The following DNAH5 variants were observed in gnomAD, a reference collection of about 807,000 sequenced individuals.
The protein encoded by DNAH5 is dynein axonemal heavy chain 5.
A neutral mutation model predicts 518.2 loss-of-function variants in DNAH5; 372 were observed. That is an observed-to-expected ratio of 0.72 (90% CI 0.66 to 0.78). The LOEUF (loss-of-function observed/expected upper bound fraction) is 0.78. Ranked by LOEUF, DNAH5 falls within the 30% of genes least tolerant of loss-of-function variation. DNAH5 has a pLI of 0.00. For synonymous variants in DNAH5, 2,039 were observed against 2,025.9 expected (o/e 1.01, Z -0.17); for missense variants, 5,523 against 5,687.0 (o/e 0.97, Z 0.93).
chr5:13,857,022 C>A (rs1054782367), intron 30 of DNAH5, among the ~76,000 whole-genome samples: 2 of 152,070 alleles, frequency 1.3e-5, no homozygotes, highest in Non-Finnish European at 2.9e-5. Context: ...GGCAATCAGG[C>A]AAGAGAAAGA....
intron 1 of DNAH5, among the ~76,000 whole-genome samples, chr5:14,006,970 T>TGGC (rs1187976847): frequency 6.6e-6 from 1 of 152,194 alleles, no homozygotes; most frequent in African/African-American, 2.4e-5. Flanking sequence ...TCACTTCTTC[T>TGGC]GGCTGGACAG....
intron 15 of DNAH5, 161 bp downstream of exon 15, chr5:13,900,045 G>A (rs1438961158): frequency 6.0e-6 from 4 of 661,622 alleles, no homozygotes; most frequent in Non-Finnish European, 7.8e-6. Context: ...TAACGGCCTG[G>A]CCCCAGCCAA....
chr5:13,801,227 G>T (rs142923974), intron 47 of DNAH5, among the ~76,000 whole-genome samples: 7 of 152,244 alleles, frequency 4.6e-5, no homozygotes, highest in Non-Finnish European at 1.0e-4. Context: ...GCTGTCTCAT[G>T]AGTGAGTTCT....
At chr5:13,730,632 C>T (rs1442239622) in intron 68 of DNAH5, among the ~76,000 whole-genome samples, 6 of 151,592 alleles carry the variant, frequency 4.0e-5, no homozygotes, top group South Asian at 2.1e-4. Context: ...GACGAGGTTT[C>T]ACCGTGTTAG....
At position 13,754,359 on chromosome 5, in the gene DNAH5, A is replaced by C. The variant is rs1279922264; in HGVS notation, c.10420-21T>G. On this transcript the variant is annotated intron_variant, in intron 61 of 78. Transcript: ENST00000265104. ...AAGGTCTAACAAAGGTCATAATCAC[A>C]AGAAAGCTTTTACTGAAATAAACAT... 19 of 1,613,864 alleles carry C rather than the reference A, an allele frequency of 1.2e-5. No homozygotes were observed. In the East Asian group the frequency reaches 4.2e-4, roughly 36 times the overall value.
At chr5:13,964,479 G>A (rs11133773) in intron 1 of DNAH5, among the ~76,000 whole-genome samples, 55,206 of 152,094 alleles carry the variant, frequency 0.36, 11,710 homozygotes, top group South Asian at 0.47. Flanking sequence ...AAACTAGATG[G>A]GAACCAAGAG....
chr5:13,841,270 C>T, intron 33 of DNAH5, 140 bp from the exon 34 acceptor site: 3 of 705,940 alleles, frequency 4.2e-6, no homozygotes, highest in South Asian at 1.8e-5. Flanking sequence ...TTTTTCATAA[C>T]CTATGGAAAT....
At chr5:13,845,308 C>A (rs1481510552) in intron 31 of DNAH5, among the ~76,000 whole-genome samples, 2 of 60,470 alleles carry the variant, frequency 3.3e-5, no homozygotes, top group Non-Finnish European at 6.5e-5. Flanking sequence ...GATAAAAACA[C>A]TATGTAGAGA....
Position 13,944,525 on chromosome 5 carries a change from C to A in DNAH5, c.-87G>T. 1 of 1,162,310 alleles carries A rather than the reference C, an allele frequency of 8.6e-7. No homozygotes were observed. Among genetic ancestry groups the A allele is most frequent in the East Asian group, 2.4e-5 (1 of 42,022 alleles). 72.0% of individuals were successfully genotyped at this position (1,162,310 alleles called of 1,614,324 possible). A position where few individuals can be genotyped will look rare whatever the true frequency, so the allele number is the denominator to read the frequency against. The stretch of plus-strand genomic sequence containing the variant: ...GACCTGCTCAACATCCAACAGGCTT[C>A]CAAATGGAAAGTTTTACTTCCATTT... On this transcript the variant is annotated 5_prime_UTR_variant, in exon 1 of 79. Transcript: ENST00000265104.
intron 19 of DNAH5, among the ~76,000 whole-genome samples, chr5:13,883,595 T>C (rs960303444): frequency 1.3e-5 from 2 of 152,200 alleles, no homozygotes; most frequent in African/African-American, 2.4e-5. Flanking sequence ...TAAAGTGTAA[T>C]TCGCCATTCA....
At position 13,707,011 on chromosome 5, in the gene DNAH5, GC is replaced by G. The variant is rs1285043535; in HGVS notation, c.13338+1111del. 6.6e-6 allele frequency among the ~76,000 whole-genome samples: 1 copy of G among 152,088 alleles called. No individual in the cohort carries two copies. The highest frequency in any genetic ancestry group is 2.4e-5 in the African/African-American group (1 of 41,416). ...TGTTGCATTTTCCAAGACCACTCTG[GC>G]CCACCATGCCCCGCATCCTGTGCCC... On this transcript the variant is annotated intron_variant, in intron 76 of 78. Coordinates refer to ENST00000265104, the MANE Select transcript of DNAH5 (RefSeq NM_001369.3). This position sits in a 1 kb window ranked among gnomAD's most constrained non-coding sequence, Gnocchi z 4.0.
chr5:13,749,698 G>A (rs1382263232), intron 65 of DNAH5, among the ~76,000 whole-genome samples: 1 of 152,190 alleles, frequency 6.6e-6, no homozygotes, highest in African/African-American at 2.4e-5. Context: ...ACAGGTGGAA[G>A]GAGAGTCTCA....
Position 13,900,764 on chromosome 5 carries a change from A to C in DNAH5, c.2053-352T>G, listed in dbSNP as rs1048230543. 3 of 336,518 alleles carry C rather than the reference A, an allele frequency of 8.9e-6. No individual in the cohort carries two copies. The Admixed American group carries it at 1.4e-4, about 16-fold the overall frequency. The allele number at this position is 336,518 out of a possible 1,614,324, so 20.8% of individuals were successfully genotyped here. A position where few individuals can be genotyped will look rare whatever the true frequency, so the allele number is the denominator to read the frequency against. On this transcript the variant is annotated intron_variant, in intron 14 of 78. Coordinates refer to ENST00000265104, the MANE Select transcript of DNAH5 (RefSeq NM_001369.3). ...TAATAAAAGTTTCGTAAGACCTCCT[A>C]AACTCAGTTTTTACTTATCTAGAAA...
chr5:13,833,131 CAAA>C (rs57578159), intron 35 of DNAH5, among the ~76,000 whole-genome samples: 1 of 140,242 alleles, frequency 7.1e-6, no homozygotes, highest in Non-Finnish European at 1.5e-5. Context: ...ATGTGTTATC[CAAA>C]AAAAAAAAAG....
intron 21 of DNAH5, among the ~76,000 whole-genome samples, chr5:13,881,996 C>A (rs550593957): frequency 6.6e-6 from 1 of 152,138 alleles, no homozygotes; most frequent in South Asian, 2.1e-4. Context: ...GATATTACTA[C>A]TGATAACCCA....
At position 13,824,352 on chromosome 5, in the gene DNAH5, A is replaced by ATTG; in HGVS notation, c.6445-22_6445-20dup. 2.5e-6 allele frequency: 4 copies of ATTG among 1,613,656 alleles called. No homozygotes were observed. Among genetic ancestry groups the ATTG allele is most frequent in the Non-Finnish European group, 2.5e-6 (3 of 1,179,628 alleles). On this transcript the variant is annotated intron_variant, in intron 38 of 78. Coordinates refer to ENST00000265104, the MANE Select transcript of DNAH5 (RefSeq NM_001369.3). Reference sequence around the variant, plus strand: ...AATGAACCTAGAGAATGTGAGATACATTGGGCTTATTTTCAACATTAAAAT... The same window carrying ATTG: ...AATGAACCTAGAGAATGTGAGATACATTGTTGGGCTTATTTTCAACATTAAAAT...
rs965699046 is a variant in DNAH5, at chr5:13,862,532, T to C, written c.4796+16A>G. The stretch of plus-strand genomic sequence containing the variant: ...CGGTTCTCAAATCTAAGGGAAAAGA[T>C]AGATGGTTTTCCCACCTGTTGCTCA... On this transcript the variant is annotated intron_variant, in intron 29 of 78. Transcript: ENST00000265104. The C allele has an allele frequency of 2.5e-6, 4 of 1,611,480 alleles. No individual in the cohort carries two copies. The highest frequency in any genetic ancestry group is 4.5e-5 in the East Asian group (2 of 44,864).
chr5:13,945,443 G>C (rs984031688), upstream of DNAH5, among the ~76,000 whole-genome samples: 44 of 152,256 alleles, frequency 2.9e-4, no homozygotes, highest in African/African-American at 1.1e-3. Context: ...TGGAAGGCAG[G>C]GTGCTGACAT....
At chr5:13,836,998 G>T (rs1764480332) in intron 35 of DNAH5, among the ~76,000 whole-genome samples, 1 of 152,210 alleles carries the variant, frequency 6.6e-6, no homozygotes, top group Non-Finnish European at 1.5e-5. Flanking sequence ...GCCCTGAGCT[G>T]ACCTAAGACA....
Sources: gnomAD v4.1 joint callset for allele counts (sites outside exome capture counted in the v4.1 genomes callset) on GRCh38, gnomAD v4.1.1 for gene constraint, Gnocchi (gnomAD v3.1) non-coding constraint, MANE v1.5 for transcripts, NCBI Gene and HGNC (gene_info 2026-07-23, HGNC 2026-07-21) for gene names.